Variants in MYH15 observed in about 807,000 individuals in gnomAD.
MYH15 encodes the protein myosin heavy chain 15, also known as myosin-15.
In MYH15, 227 loss-of-function variants were observed where a neutral mutation model predicts 240.5. The ratio of observed to expected loss-of-function variants is 0.94; its 90% CI spans 0.85 to 1.05. The LOEUF is 1.05. Among genes scored for constraint, MYH15 ranks in the 50% least tolerant of loss-of-function variants. MYH15 has a pLI of 0.00. For missense variants in MYH15, 2,217 were observed against 2,247.5 expected (o/e 0.99, Z 0.27); for synonymous variants, 785 against 796.7 (o/e 0.99, Z 0.25).
chr3:108,444,155 A>AAATT (rs533760736), intron 22 of MYH15, among the ~76,000 whole-genome samples: 1 of 151,632 alleles, frequency 6.6e-6, no homozygotes, highest in African/African-American at 2.4e-5. Flanking sequence ...AATAATAATA[A>AAATT]AATTAATTAA....
At chr3:108,469,476 A>C (rs981955127) in intron 14 of MYH15, among the ~76,000 whole-genome samples, 1 of 152,202 alleles carries the variant, frequency 6.6e-6, no homozygotes, top group Non-Finnish European at 1.5e-5. Flanking sequence ...TTGGGACATC[A>C]CCAAATTCAG....
At chr3:108,529,816 C>T (rs1418932106), upstream of MYH15, among the ~76,000 whole-genome samples, 1 of 152,180 alleles carries the variant, frequency 6.6e-6, no homozygotes, top group East Asian at 1.9e-4. Context: ...AGGGAGTTTT[C>T]AGACCATGAC....
In MYH15 at chr3:108,479,279, C is replaced by T. The variant is rs537401395; in HGVS notation, c.1115-2764G>A. On this transcript the variant is annotated intron_variant, in intron 11 of 40. Coordinates refer to ENST00000693548, the MANE Select transcript of MYH15 (RefSeq NM_014981.3). Reference sequence around the variant, plus strand: ...AGGACCTTGTGAATGAACCCATGGACTTCAATTAGGCTGCATGATCTTACC... The same window carrying T: ...AGGACCTTGTGAATGAACCCATGGATTTCAATTAGGCTGCATGATCTTACC... 2.0e-5 allele frequency among the ~76,000 whole-genome samples: 3 copies of T among 152,248 alleles called. No homozygotes were observed. The South Asian group carries it at 6.2e-4, about 32-fold the overall frequency.
intron 25 of MYH15, 64 bp from the exon 26 acceptor site, chr3:108,430,986 G>C: frequency 9.1e-7 from 1 of 1,099,744 alleles, no homozygotes; most frequent in Non-Finnish European, 1.4e-6. Flanking sequence ...AAAGTAGTTA[G>C]AATTGTAATA....
chr3:108,434,733 C>A (rs1045673534), intron 25 of MYH15, among the ~76,000 whole-genome samples: 1 of 152,110 alleles, frequency 6.6e-6, no homozygotes, highest in Admixed American at 6.6e-5. Context: ...CATAATCATG[C>A]CCCTTGTATA....
intron 21 of MYH15, among the ~76,000 whole-genome samples, chr3:108,452,776 A>C (rs1278243197): frequency 6.6e-6 from 1 of 152,150 alleles, no homozygotes; most frequent in Non-Finnish European, 1.5e-5. Flanking sequence ...TGGAGGCTTC[A>C]ACTATATATG....
chr3:108,458,416 C>T (rs1004420928), intron 18 of MYH15, among the ~76,000 whole-genome samples: 4 of 152,168 alleles, frequency 2.6e-5, no homozygotes, highest in East Asian at 1.9e-4. Flanking sequence ...GAAACTCAAA[C>T]TGCAGCATCA....
rs541627786 is a variant in MYH15 at position 108,456,956 on chromosome 3, C to T, written c.2021-73G>A. 6.1e-4 allele frequency: 663 copies of T among 1,087,036 alleles called. 4 individuals are homozygous for T. The Middle Eastern group carries it at 0.02, about 32-fold the overall frequency. 67.3% of individuals were successfully genotyped at this position (1,087,036 alleles called of 1,614,324 possible). Reference sequence around the variant, plus strand: ...ATTGGGACAGATTTTGAACCAATTGCTGCATCTTGGGTTAAAAAGAAAGTC... The same window carrying T: ...ATTGGGACAGATTTTGAACCAATTGTTGCATCTTGGGTTAAAAAGAAAGTC... On this transcript the variant is annotated intron_variant, in intron 18 of 40. Coordinates refer to ENST00000693548, the MANE Select transcript of MYH15 (RefSeq NM_014981.3).
At position 108,431,361 on chromosome 3, in the gene MYH15, A is replaced by G. The variant is rs531450049; in HGVS notation, c.3222-439T>C. ...GGGGGACCCAGCAGGAGGTAATTGA[A>G]TCATGGGGGCAAGTCTTTGCTGTGC... On this transcript the variant is annotated intron_variant, in intron 25 of 40. Transcript: ENST00000693548. Among the ~76,000 whole-genome samples the G allele has an allele frequency of 5.9e-5, 9 of 152,294 alleles. No individual in the cohort carries two copies. In the South Asian group the frequency reaches 1.9e-3, roughly 32 times the overall value.
intron 30 of MYH15, among the ~76,000 whole-genome samples, chr3:108,412,428 G>A (rs1270615609): frequency 6.6e-6 from 1 of 152,172 alleles, no homozygotes. Context: ...ATGGTGAACT[G>A]TGAGTCAATT....
In MYH15 at chr3:108,410,877, C is replaced by T. The variant is rs200032613; in HGVS notation, c.4201G>A (p.Ala1401Thr). 2.7e-4 allele frequency: 436 copies of T among 1,611,526 alleles called. No individual in the cohort carries two copies. The highest frequency in any genetic ancestry group is 3.5e-4 in the Non-Finnish European group (412 of 1,177,988). ...EAAEAMGVAN[A>T]RNASLERARH... ...GCTCTCTCCAAGGAGGCATTTCTGG[C>T]ATTGGCCACCCCCATGGCTTCGGCT... is the stretch of plus-strand genomic sequence containing the variant. Residue 1401 changes from alanine to threonine, a missense_variant, in exon 31 of 41, where the codon GCC becomes ACC. Coordinates refer to ENST00000693548, the MANE Select transcript of MYH15 (RefSeq NM_014981.3).
chr3:108,533,927 A>G (rs1339422736), upstream of MYH15, among the ~76,000 whole-genome samples: 1 of 152,226 alleles, frequency 6.6e-6, no homozygotes, highest in Non-Finnish European at 1.5e-5. Context: ...GAGAATATTG[A>G]GTGAGGCTGA....
chr3:108,400,688 A>G (rs1037955942), intron 33 of MYH15, among the ~76,000 whole-genome samples: 4 of 152,130 alleles, frequency 2.6e-5, no homozygotes, highest in African/African-American at 9.7e-5. Context: ...ATGTGTCTGT[A>G]GTCCCAGCTA....
Position 108,381,865 on chromosome 3 carries a change from G to T in MYH15, c.5767-306C>A, listed in dbSNP as rs556231235. Among the ~76,000 whole-genome samples the T allele has an allele frequency of 2.6e-5, 4 of 152,278 alleles. No individual in the cohort carries two copies. In the East Asian group the frequency reaches 7.7e-4, roughly 29 times the overall value. On this transcript the variant is annotated intron_variant, in intron 40 of 40. Coordinates refer to ENST00000693548, the MANE Select transcript of MYH15 (RefSeq NM_014981.3). ...GATTCTGCAGCCACATCACCAGTTTGCTCCCCAGCCCTGACACAGAATTCT... is the reference window on the plus strand; with the variant it reads ...GATTCTGCAGCCACATCACCAGTTTTCTCCCCAGCCCTGACACAGAATTCT...
chr3:108,401,373 GTGACCGTC>G (rs149380249), intron 33 of MYH15, among the ~76,000 whole-genome samples: 39,969 of 151,900 alleles, frequency 0.26, 5,571 homozygotes, highest in Non-Finnish European at 0.31. Context: ...CAGTGAAAAT[GTGACCGTC>G]TGCAAGCCAA....
At chr3:108,494,653 C>T (rs2083377911) in intron 7 of MYH15, among the ~76,000 whole-genome samples, 1 of 152,028 alleles carries the variant, frequency 6.6e-6, no homozygotes, top group Admixed American at 6.6e-5. Context: ...ACCACCACTC[C>T]AGGCTAATAT....
chr3:108,451,359 G>A (rs905179795), intron 21 of MYH15, among the ~76,000 whole-genome samples: 4 of 151,918 alleles, frequency 2.6e-5, no homozygotes, highest in East Asian at 1.9e-4. Context: ...CAGCCTGGGC[G>A]ATAGAGAGAG....
chr3:108,510,615 G>C (rs1249617778), upstream of MYH15: 4 of 1,588,442 alleles, frequency 2.5e-6, no homozygotes, highest in East Asian at 4.5e-5. Context: ...ATACAGAGAA[G>C]AAAAAAGTGG....
Position 108,417,785 on chromosome 3 carries a change from GTATATA to G in MYH15, c.3830-861_3830-856del, listed in dbSNP as rs368551528. On this transcript the variant is annotated intron_variant, in intron 28 of 40. Transcript: ENST00000693548. ...GATACACACACACACGTACAGGTAT[GTATATA>G]TATATACACACACACACACACACAC... Among the ~76,000 whole-genome samples the G allele has an allele frequency of 6.7e-4, 98 of 145,308 alleles. 2 individuals are homozygous for G. Among genetic ancestry groups the G allele is most frequent in the African/African-American group, 2.3e-3 (93 of 39,616 alleles).
Sources: gnomAD v4.1 joint callset for allele counts (sites outside exome capture counted in the v4.1 genomes callset) on GRCh38, gnomAD v4.1.1 for gene constraint, MANE v1.5 for transcripts, NCBI Gene and HGNC (gene_info 2026-07-23, HGNC 2026-07-21) for gene names.